The following COL24A1 variants were observed in gnomAD, a reference collection of about 807,000 sequenced individuals.
COL24A1 encodes collagen type XXIV alpha 1 chain, also known as collagen alpha-1(XXIV) chain.
Under a neutral mutation model 253.9 loss-of-function variants are expected in COL24A1, and 224 were observed. That is an observed-to-expected ratio of 0.88 (90% CI 0.79 to 0.99). COL24A1 has a LOEUF of 0.99. COL24A1 is among the 50% of genes least tolerant of loss of function. The pLI is 0.00. For missense variants in COL24A1, 2,131 were observed against 2,068.5 expected, an observed-to-expected ratio of 1.03 and a Z score of -0.59; for synonymous variants, 685 against 673.7, an observed-to-expected ratio of 1.02 and a Z score of -0.26.
intron 45 of COL24A1, among the ~76,000 whole-genome samples, chr1:85,819,129 T>C (rs1315414847): frequency 1.3e-5 from 2 of 152,190 alleles, no homozygotes; most frequent in Non-Finnish European, 2.9e-5. Context: ...CTATTGTACT[T>C]GTCTTAGAAG....
At chr1:85,748,580 C>A (rs454331) in intron 55 of COL24A1, among the ~76,000 whole-genome samples, 8 of 149,688 alleles carry the variant, frequency 5.3e-5, no homozygotes, top group East Asian at 2.0e-4. Flanking sequence ...CAGCGTGAGC[C>A]ACGCAGAAGA....
rs141568022 is a variant in COL24A1 at position 85,808,621 on chromosome 1, T to G, written c.3951+8167A>C. Among the ~76,000 whole-genome samples the G allele has an allele frequency of 3.3e-5, 5 of 152,274 alleles. No homozygotes were observed. In the East Asian group the frequency reaches 7.7e-4, roughly 24 times the overall value. On this transcript the variant is annotated intron_variant, in intron 47 of 59. Coordinates refer to ENST00000370571, the MANE Select transcript of COL24A1 (RefSeq NM_152890.7). ...TATATTCTGGATATCTCACAAAATATCATTCAGGTCCATTAAACTGGACTT... is the reference window on the plus strand; with the variant it reads ...TATATTCTGGATATCTCACAAAATAGCATTCAGGTCCATTAAACTGGACTT...
At chr1:85,761,212 A>G (rs1158655042) in intron 55 of COL24A1, among the ~76,000 whole-genome samples, 184 bp downstream of exon 55, 3 of 152,216 alleles carry the variant, frequency 2.0e-5, no homozygotes, top group Admixed American at 2.0e-4. Context: ...CATTTTATAA[A>G]TAAGAAGTCT....
At chr1:85,812,631 T>C (rs760620496) in intron 47 of COL24A1, among the ~76,000 whole-genome samples, 24 of 152,174 alleles carry the variant, frequency 1.6e-4, no homozygotes, top group Non-Finnish European at 2.9e-4. Flanking sequence ...CCGAGGAAGA[T>C]AAATTTAGAT....
chr1:85,838,139 G>T (rs566444565), intron 43 of COL24A1, among the ~76,000 whole-genome samples: 1 of 152,132 alleles, frequency 6.6e-6, no homozygotes, highest in Admixed American at 6.5e-5. Context: ...GGAACTTTGT[G>T]TTCTAGAAAT....
intron 5 of COL24A1, among the ~76,000 whole-genome samples, chr1:86,100,187 C>T (rs1704328597): frequency 6.6e-6 from 1 of 152,158 alleles, no homozygotes; most frequent in Non-Finnish European, 1.5e-5. Context: ...ATATTCCTGA[C>T]ACTTAACCTC....
At chr1:85,744,534 G>T in intron 57 of COL24A1, 132 bp downstream of exon 57, 1 of 633,440 alleles carries the variant, frequency 1.6e-6, no homozygotes, top group Non-Finnish European at 2.6e-6. Flanking sequence ...TATTCTTGAT[G>T]ACATTAAAAT....
At chr1:85,951,182 T>C (rs1047085915) in intron 24 of COL24A1, among the ~76,000 whole-genome samples, 6 of 152,294 alleles carry the variant, frequency 3.9e-5, no homozygotes, top group East Asian at 1.9e-4. Context: ...ACACATAGTG[T>C]CAATGTACAA....
At chr1:86,051,014 G>A (rs1700257356) in intron 10 of COL24A1, among the ~76,000 whole-genome samples, 1 of 152,042 alleles carries the variant, frequency 6.6e-6, no homozygotes, top group Admixed American at 6.6e-5. Flanking sequence ...TGATTTTAGG[G>A]AGTATGGTAA....
chr1:85,783,658 G>A, intron 50 of COL24A1, 100 bp from the exon 51 acceptor site: 1 of 1,088,266 alleles, frequency 9.2e-7, no homozygotes, highest in Non-Finnish European at 1.4e-6. Flanking sequence ...TTTAAAAATG[G>A]AATATAATAC....
At chr1:85,870,530 A>C (rs1269674431) in intron 35 of COL24A1, among the ~76,000 whole-genome samples, 1 of 152,254 alleles carries the variant, frequency 6.6e-6, no homozygotes, top group East Asian at 1.9e-4. Flanking sequence ...ACTAGAACTC[A>C]GGATTAAGAA....
chr1:85,784,931 A>G (rs1193714214), intron 48 of COL24A1, among the ~76,000 whole-genome samples: 2 of 151,774 alleles, frequency 1.3e-5, no homozygotes, highest in Non-Finnish European at 2.9e-5. Flanking sequence ...GGATCTCACT[A>G]TGTTGCCCAG....
chr1:86,022,689 T>C lies in COL24A1; in HGVS notation c.2149-98A>G. On this transcript the variant is annotated intron_variant, in intron 16 of 59. Coordinates refer to ENST00000370571, the MANE Select transcript of COL24A1 (RefSeq NM_152890.7). ...CATTGTAGAAGAATAATTTCTCTAT[T>C]TTTCTTACTTCTGAGGAAAACTAAT... 2.9e-6 allele frequency: 4 copies of C among 1,378,566 alleles called. No individual in the cohort carries two copies. The Admixed American group carries it at 7.2e-5, about 25-fold the overall frequency. The allele number at this position is 1,378,566 out of a possible 1,614,324, so 85.4% of individuals were successfully genotyped here. A position where few individuals can be genotyped will look rare whatever the true frequency, so the allele number is the denominator to read the frequency against.
At chr1:86,118,375 T>C (rs1425633723) in intron 3 of COL24A1, among the ~76,000 whole-genome samples, 1 of 152,210 alleles carries the variant, frequency 6.6e-6, no homozygotes, top group African/African-American at 2.4e-5. Context: ...ATTAACTTTT[T>C]TAAGGTATGC....
At chr1:85,911,068 T>G (rs150200107) in intron 25 of COL24A1, among the ~76,000 whole-genome samples, 11 of 151,914 alleles carry the variant, frequency 7.2e-5, no homozygotes, top group Non-Finnish European at 1.6e-4. Flanking sequence ...AAAAACTGCT[T>G]TCTTTCAAGC....
At chr1:85,761,318 A>C in intron 55 of COL24A1, 78 bp downstream of exon 55, 1 of 1,494,654 alleles carries the variant, frequency 6.7e-7, no homozygotes, top group South Asian at 1.2e-5. Context: ...TTTAATAGAG[A>C]GTTAACAGAA....
intron 19 of COL24A1, among the ~76,000 whole-genome samples, chr1:86,012,887 CT>C (rs1206707334): frequency 3.3e-5 from 5 of 152,204 alleles, no homozygotes; most frequent in African/African-American, 4.8e-5. Context: ...CATTGGCATT[CT>C]TTCTGATCTT....
chr1:85,778,321 C>G (rs1406193638), intron 52 of COL24A1, among the ~76,000 whole-genome samples: 5 of 151,938 alleles, frequency 3.3e-5, no homozygotes, highest in African/African-American at 1.2e-4. Flanking sequence ...CAAGGCTGGT[C>G]TAAACTTCTG....
intron 24 of COL24A1, among the ~76,000 whole-genome samples, chr1:85,921,656 C>A (rs1179142245): frequency 6.6e-6 from 1 of 152,148 alleles, no homozygotes; most frequent in African/African-American, 2.4e-5. Context: ...CACAAAAACC[C>A]CACCTGTAGG....
Sources: allele counts gnomAD v4.1 joint callset (sites outside exome capture counted in the v4.1 genomes callset), GRCh38; gene constraint gnomAD v4.1.1; transcripts MANE v1.5; gene names NCBI Gene and HGNC (gene_info 2026-07-23, HGNC 2026-07-21).